The following CLTC variants were observed in gnomAD, a reference collection of about 807,000 sequenced individuals.
CLTC encodes clathrin heavy chain.
Under a neutral mutation model 195.8 loss-of-function variants are expected in CLTC, and 16 were observed. That is an observed-to-expected ratio of 0.08 (90% CI 0.06 to 0.12). The LOEUF is 0.12. CLTC is among the 10% of genes least tolerant of loss of function. CLTC has a pLI of 1.00. For synonymous variants in CLTC, 667 were observed against 689.4 expected (o/e 0.97, Z 0.51); for missense variants, 796 against 2,027.0 (o/e 0.39, Z 11.66).
Position 59,694,133 on chromosome 17 carries a change from T to C in CLTC, c.*281T>C, listed in dbSNP as rs778270118. ...TCTTTCTTTAAAGAACTGCTCAATA[T>C]TCAATCTGTTGTGAAGAACCTGATT... On this transcript the variant is annotated 3_prime_UTR_variant, in exon 32 of 32. Coordinates refer to ENST00000269122, the MANE Select transcript of CLTC (RefSeq NM_004859.4). 2.1e-5 allele frequency: 6 copies of C among 281,496 alleles called. 1 individual carries two copies. In the Admixed American group the frequency reaches 2.5e-4, roughly 12 times the overall value. The allele number at this position is 281,496 out of a possible 1,614,324, so 17.4% of individuals were successfully genotyped here.
At chr17:59,658,023 A>T (rs965966183) in intron 6 of CLTC, among the ~76,000 whole-genome samples, 1 of 151,902 alleles carries the variant, frequency 6.6e-6, no homozygotes, top group Non-Finnish European at 1.5e-5. Flanking sequence ...ATATGGTGAA[A>T]CCTCGTCTCT....
intron 1 of CLTC, among the ~76,000 whole-genome samples, chr17:59,639,710 C>T (rs1440087413): frequency 1.3e-5 from 2 of 151,944 alleles, no homozygotes; most frequent in Non-Finnish European, 2.9e-5. Context: ...TGGTTCATAC[C>T]TGTAATCCCA....
At chr17:59,631,640 C>A (rs1021851507) in intron 1 of CLTC, among the ~76,000 whole-genome samples, 1 of 152,132 alleles carries the variant, frequency 6.6e-6, no homozygotes, top group Non-Finnish European at 1.5e-5. Flanking sequence ...TGGAATGAAT[C>A]AGCAATGTGG....
chr17:59,660,618 G>T, intron 7 of CLTC, 30 bp downstream of exon 7: 1 of 1,592,226 alleles, frequency 6.3e-7, no homozygotes, highest in South Asian at 1.1e-5. Context: ...AAGTTGTCAT[G>T]ACATTAATCC....
chr17:59,635,750 A>G (rs1409315098), intron 1 of CLTC, among the ~76,000 whole-genome samples: 1 of 152,160 alleles, frequency 6.6e-6, no homozygotes, highest in Non-Finnish European at 1.5e-5. Context: ...TTTGATCACT[A>G]ATATATTCTG....
At chr17:59,678,665 A>C (rs1289742990) in intron 17 of CLTC, among the ~76,000 whole-genome samples, 1 of 152,156 alleles carries the variant, frequency 6.6e-6, no homozygotes, top group Non-Finnish European at 1.5e-5. Context: ...AGCAGCCCTG[A>C]AGTCAGTCAT....
chr17:59,692,173 TG>T (rs2033318388), intron 31 of CLTC, among the ~76,000 whole-genome samples: 1 of 152,020 alleles, frequency 6.6e-6, no homozygotes, highest in South Asian at 2.1e-4. Flanking sequence ...AAAAATTGGC[TG>T]GGCATGGTGG....
Position 59,619,965 on chromosome 17 carries a change from C to T in CLTC, c.-167C>T, listed in dbSNP as rs1447468772. 3 of 620,104 alleles carry T rather than the reference C, an allele frequency of 4.8e-6. No homozygotes were observed. The highest frequency in any genetic ancestry group is 8.5e-6 in the Non-Finnish European group (3 of 351,108). The allele number at this position is 620,104 out of a possible 1,614,324, so 38.4% of individuals were successfully genotyped here. On this transcript the variant is annotated 5_prime_UTR_variant, in exon 1 of 32. Coordinates refer to ENST00000269122, the MANE Select transcript of CLTC (RefSeq NM_004859.4). ...TCTCCTGGCCCCTGGAGCCTCCGCC[C>T]CCGACCCGAGCTCTTTCGTCTGCCT...
intron 1 of CLTC, among the ~76,000 whole-genome samples, chr17:59,631,711 C>T (rs137940431): frequency 0.013 from 2,050 of 152,292 alleles, 39 homozygotes; most frequent in African/African-American, 0.046. Flanking sequence ...TGGCTCACGC[C>T]TGTAACCCCA....
chr17:59,644,321 C>T lies in CLTC; in HGVS notation c.88C>T (p.Leu30=), dbSNP rs982256653. 38 of 1,613,958 alleles carry T rather than the reference C, an allele frequency of 2.4e-5. No individual in the cohort carries two copies. Among genetic ancestry groups the T allele is most frequent in the Middle Eastern group, 1.6e-4 (1 of 6,084 alleles). ...INPANIGFST[L]TMESDKFICI... ...CCCAGCAAACATTGGCTTCAGTACCCTGACTATGGAGTCTGACAAATTCAT... is the reference window on the plus strand; with the variant it reads ...CCCAGCAAACATTGGCTTCAGTACCTTGACTATGGAGTCTGACAAATTCAT... The change falls in exon 2 of 32, where the codon CTG becomes TTG. Residue 30 remains leucine (L), a synonymous_variant. Coordinates refer to ENST00000269122, the MANE Select transcript of CLTC (RefSeq NM_004859.4).
At chr17:59,678,181 GGTTT>G (rs1207523270) in intron 17 of CLTC, among the ~76,000 whole-genome samples, 2 of 152,056 alleles carry the variant, frequency 1.3e-5, no homozygotes, top group Non-Finnish European at 2.9e-5. Context: ...CTTCAGTGGT[GGTTT>G]GTTTTTCTCT....
intron 5 of CLTC, among the ~76,000 whole-genome samples, chr17:59,654,416 G>A (rs528812384): frequency 1.4e-4 from 21 of 151,674 alleles, no homozygotes; most frequent in African/African-American, 4.9e-4. Flanking sequence ...GACCTCAAGT[G>A]ATCCACCTGC....
intron 8 of CLTC, among the ~76,000 whole-genome samples, chr17:59,662,717 G>T (rs2032637779): frequency 6.6e-6 from 1 of 152,092 alleles, no homozygotes; most frequent in African/African-American, 2.4e-5. Context: ...TGGGATACTT[G>T]GACAGGAGTC....
chr17:59,688,596 GAAGAAT>G (rs2033233582), intron 30 of CLTC, among the ~76,000 whole-genome samples: 1 of 152,072 alleles, frequency 6.6e-6, no homozygotes, highest in African/African-American at 2.4e-5. Context: ...CCATTATATA[GAAGAAT>G]CAAACTTTTT....
intron 1 of CLTC, among the ~76,000 whole-genome samples, chr17:59,625,028 A>G (rs1336879758): frequency 2.6e-5 from 4 of 152,106 alleles, no homozygotes; most frequent in Non-Finnish European, 4.4e-5. Flanking sequence ...ATATTATTTC[A>G]ATATGTAATC....
chr17:59,671,584 C>G (rs906581999), intron 14 of CLTC, among the ~76,000 whole-genome samples: 1 of 152,150 alleles, frequency 6.6e-6, no homozygotes, highest in African/African-American at 2.4e-5. Context: ...GACTCATGCC[C>G]TAAGTTTGTA....
chr17:59,669,549 G>A (rs927511559), intron 14 of CLTC, among the ~76,000 whole-genome samples: 3 of 152,102 alleles, frequency 2.0e-5, no homozygotes, highest in African/African-American at 7.2e-5. Context: ...ACATCCCTAA[G>A]GGCAGTTAAT....
Position 59,693,772 on chromosome 17 carries a change from C to A in CLTC, c.4948C>A (p.Pro1650Thr). 2 of 1,613,810 alleles carry A rather than the reference C, an allele frequency of 1.2e-6. No individual in the cohort carries two copies. The highest frequency in any genetic ancestry group is 1.7e-6 in the Non-Finnish European group (2 of 1,179,856). The part of the protein sequence containing the change: ...MLTAGPSVAV[P>T]PQAPFGYGYT... ...GACAGCAGGACCCAGTGTTGCCGTC[C>A]CTCCCCAGGCACCTTTTGGTTATGG... The change falls in exon 32 of 32, where the codon CCT becomes ACT. Residue 1650 changes from proline to threonine, a missense_variant. This residue lies in a region of CLTC where 148 missense variants were observed against 279.5 expected (regional missense o/e 0.53). Transcript: ENST00000269122.
Position 59,677,015 on chromosome 17 carries a change from A to G in CLTC, c.2623A>G (p.Thr875Ala). Reference protein sequence around the residue: ...RIHEGCEEPATHNALAKIYID... With the variant: ...RIHEGCEEPAAHNALAKIYID... ...TCATGAGGGCTGTGAGGAGCCTGCT[A>G]CTCACAATGCCTTAGCCAAAATCTA... Residue 875 changes from threonine to alanine, a missense_variant, in exon 17 of 32, where the codon ACT (threonine) becomes GCT (alanine). This residue lies in a region of CLTC where 160 missense variants were observed against 448.2 expected (regional missense o/e 0.36). Coordinates refer to ENST00000269122, the MANE Select transcript of CLTC (RefSeq NM_004859.4). The G allele has an allele frequency of 1.2e-6, 2 of 1,614,054 alleles. No individual in the cohort carries two copies. Among genetic ancestry groups the G allele is most frequent in the African/African-American group, 1.3e-5 (1 of 75,012 alleles).
Sources: allele counts gnomAD v4.1 joint callset (sites outside exome capture counted in the v4.1 genomes callset), GRCh38; gene constraint gnomAD v4.1.1; regional missense constraint gnomAD v4.1.1; transcripts MANE v1.5; gene names NCBI Gene and HGNC (gene_info 2026-07-23, HGNC 2026-07-21).